Variants in CUX1 observed in about 807,000 individuals in gnomAD.
CUX1 encodes protein CASP.
In CUX1, 31 loss-of-function variants were observed where a neutral mutation model predicts 158.8. The ratio of observed to expected loss-of-function variants is 0.20; its 90% CI spans 0.15 to 0.26. The LOEUF is 0.26. CUX1 is among the 10% of genes least tolerant of loss of function. The pLI is 1.00. For missense variants in CUX1, 1,589 were observed against 2,014.6 expected, an observed-to-expected ratio of 0.79 and a Z score of 4.04; for synonymous variants, 879 against 862.1, an observed-to-expected ratio of 1.02 and a Z score of -0.34.
chr7:101,879,406 T>G lies in CUX1; in HGVS notation c.31-36709T>G, dbSNP rs187447566. ...TTGGAATGGACCCCTCCCTCTCTTC[T>G]ATTTTAGTTCTAGTTTCTAGCTCTT... On this transcript the variant is annotated intron_variant, in intron 1 of 23. Coordinates refer to ENST00000292535, the MANE Select transcript of CUX1 (RefSeq NM_181552.4). 2.0e-5 allele frequency among the ~76,000 whole-genome samples: 3 copies of G among 152,360 alleles called. No homozygotes were observed. The East Asian group carries it at 5.8e-4, about 29-fold the overall frequency.
At position 102,054,558 on chromosome 7, in the gene CUX1, T is replaced by C. The variant is rs74300418; in HGVS notation, c.190-15781T>C. ...GTCAATGTAGTTTTGTATTTAGTAT[T>C]GAAATTGGGAAGTGTGACTCCTCCA... On this transcript the variant is annotated intron_variant, in intron 3 of 23. Transcript: ENST00000292535. 3.9e-3 allele frequency among the ~76,000 whole-genome samples: 593 copies of C among 152,324 alleles called. 24 individuals carry two copies. In the East Asian group the frequency reaches 0.1, roughly 27 times the overall value.
intron 2 of CUX1, among the ~76,000 whole-genome samples, chr7:101,930,209 CT>C (rs1217591243): frequency 6.6e-6 from 1 of 152,114 alleles, no homozygotes; most frequent in East Asian, 1.9e-4. Context: ...TTTAAAATTG[CT>C]TTTGAGTATT....
intron 2 of CUX1, among the ~76,000 whole-genome samples, chr7:102,001,192 C>G (rs1314567762): frequency 6.6e-6 from 1 of 152,144 alleles, no homozygotes; most frequent in Non-Finnish European, 1.5e-5. Context: ...TGCCTGCCTT[C>G]TAGATATGGG....
At chr7:102,184,274 A>T (rs782239341) in intron 11 of CUX1, among the ~76,000 whole-genome samples, 1 of 152,254 alleles carries the variant, frequency 6.6e-6, no homozygotes, top group Non-Finnish European at 1.5e-5. Context: ...GTTTATTATC[A>T]TTTAAGTCTT....
chr7:102,095,549 G>GA (rs1252104909), intron 4 of CUX1, among the ~76,000 whole-genome samples: 5 of 152,124 alleles, frequency 3.3e-5, no homozygotes, highest in African/African-American at 1.2e-4. Context: ...ACTCTGCAAA[G>GA]ACGCTGGCAT....
chr7:101,870,104 C>T (rs11761496), intron 1 of CUX1, among the ~76,000 whole-genome samples: 29,806 of 150,456 alleles, frequency 0.2, 3,805 homozygotes, highest in Non-Finnish European at 0.28. Flanking sequence ...TGTCTCACCC[C>T]GCTGCAGCTT....
At chr7:102,093,240 AAAAAAG>A (rs1241960490) in intron 4 of CUX1, among the ~76,000 whole-genome samples, 5 of 103,750 alleles carry the variant, frequency 4.8e-5, no homozygotes, top group Admixed American at 9.3e-5. Context: ...AAAAAAAAAA[AAAAAAG>A]AAAGTCATAG....
intron 4 of CUX1, among the ~76,000 whole-genome samples, chr7:102,079,923 G>C (rs17135010): frequency 0.055 from 8,436 of 152,142 alleles, 754 homozygotes; most frequent in African/African-American, 0.19. Context: ...TTACACTCAG[G>C]CTCCGGCATT....
At chr7:101,829,288 C>A (rs779531775) in intron 1 of CUX1, among the ~76,000 whole-genome samples, 3 of 152,160 alleles carry the variant, frequency 2.0e-5, no homozygotes, top group Non-Finnish European at 2.9e-5. Flanking sequence ...CATACCATAT[C>A]TACAGTTTTA....
At chr7:101,858,661 CTTTTTTTTTT>C (rs760652607) in intron 1 of CUX1, among the ~76,000 whole-genome samples, 2 of 103,320 alleles carry the variant, frequency 1.9e-5, no homozygotes, top group South Asian at 3.2e-4. Flanking sequence ...ATGCGAATGC[CTTTTTTTTTT>C]TTTTTTTTTT....
intron 20 of CUX1, among the ~76,000 whole-genome samples, chr7:102,220,492 G>A (rs906492900): frequency 6.6e-6 from 1 of 152,226 alleles, no homozygotes; most frequent in South Asian, 2.1e-4. Context: ...AGCAGGTCTG[G>A]TGCCCACATC....
Position 101,878,328 on chromosome 7 carries a change from T to C in CUX1, c.31-37787T>C, listed in dbSNP as rs149020380. Among the ~76,000 whole-genome samples, 1,048 of 152,266 alleles carry C rather than the reference T, an allele frequency of 6.9e-3. 12 individuals are homozygous for C. Among genetic ancestry groups the C allele is most frequent in the African/African-American group, 0.023 (969 of 41,562 alleles). Reference sequence around the variant, plus strand: ...GGCAGTGACTGTCAGTGAGTGTGCCTAGGAGAGGGGTGGGTCCTTTTAGAG... The same window carrying C: ...GGCAGTGACTGTCAGTGAGTGTGCCCAGGAGAGGGGTGGGTCCTTTTAGAG... On this transcript the variant is annotated intron_variant, in intron 1 of 23. Coordinates refer to ENST00000292535, the MANE Select transcript of CUX1 (RefSeq NM_181552.4).
chr7:101,857,119 C>T (rs1267050767), intron 1 of CUX1, among the ~76,000 whole-genome samples: 1 of 152,196 alleles, frequency 6.6e-6, no homozygotes, highest in Non-Finnish European at 1.5e-5. Flanking sequence ...ACTTTTGGGC[C>T]TGCGCCATGT....
chr7:102,093,256 G>T (rs1554482937), intron 4 of CUX1, among the ~76,000 whole-genome samples: 1 of 141,498 alleles, frequency 7.1e-6, no homozygotes, highest in Non-Finnish European at 1.5e-5. Context: ...GAAAGTCATA[G>T]CTCTCTGCAA....
intron 17 of CUX1, among the ~76,000 whole-genome samples, chr7:102,276,998 A>C (rs1341417299): frequency 9.2e-5 from 14 of 152,222 alleles, no homozygotes; most frequent in African/African-American, 3.4e-4. Context: ...CCAATGACAA[A>C]AAAAAGTATG....
At chr7:102,075,102 G>GC (rs531539929) in intron 4 of CUX1, among the ~76,000 whole-genome samples, 6 of 151,772 alleles carry the variant, frequency 4.0e-5, no homozygotes, top group South Asian at 4.2e-4. Flanking sequence ...CAGATGATCC[G>GC]CCCCCCTCAG....
At chr7:102,239,660 C>T (rs1450223739) in intron 23 of CUX1, 76 bp downstream of exon 23, 1 of 1,522,812 alleles carries the variant, frequency 6.6e-7, no homozygotes, top group African/African-American at 1.4e-5. Flanking sequence ...CGCCATGGCG[C>T]ACAGGGGTGA....
At chr7:102,029,261 G>T (rs1446609992) in intron 3 of CUX1, among the ~76,000 whole-genome samples, 3 of 152,156 alleles carry the variant, frequency 2.0e-5, no homozygotes, top group African/African-American at 7.2e-5. Flanking sequence ...CCAAAGTGCT[G>T]GGATTACAGA....
At chr7:101,846,627 C>T (rs975743746) in intron 1 of CUX1, among the ~76,000 whole-genome samples, 13 of 152,140 alleles carry the variant, frequency 8.5e-5, no homozygotes, top group Non-Finnish European at 1.8e-4. Flanking sequence ...CCTACCCAGC[C>T]GAACTCCTTT....
Sources: gnomAD v4.1 joint callset for allele counts (sites outside exome capture counted in the v4.1 genomes callset) on GRCh38, gnomAD v4.1.1 for gene constraint, MANE v1.5 for transcripts, NCBI Gene and HGNC (gene_info 2026-07-23, HGNC 2026-07-21) for gene names.